TDRD5: variants seen among roughly 807,000 people sequenced by gnomAD.
The protein encoded by TDRD5 is tudor domain-containing protein 5.
A neutral mutation model predicts 120.6 loss-of-function variants in TDRD5; 41 were observed. The ratio of observed to expected loss-of-function variants is 0.34; its 90% confidence interval spans 0.26 to 0.44. The LOEUF is 0.44. TDRD5 is among the 20% of genes least tolerant of loss of function. The pLI, the probability that TDRD5 is intolerant of heterozygous loss-of-function variation, is 1.00. For synonymous variants in TDRD5, 430 were observed against 433.7 expected (o/e 0.99, Z 0.11); for missense variants, 1,006 against 1,221.2 (o/e 0.82, Z 2.63).
At chr1:179,610,948 GTTGTCTA>G (rs1676242359) in intron 4 of TDRD5, among the ~76,000 whole-genome samples, 1 of 151,900 alleles carries the variant, frequency 6.6e-6, no homozygotes, top group African/African-American at 2.4e-5. Flanking sequence ...ACATGTTGTA[GTTGTCTA>G]TTTATTCAAG....
intron 4 of TDRD5, among the ~76,000 whole-genome samples, chr1:179,605,613 C>T (rs547553143): frequency 6.6e-6 from 1 of 152,120 alleles, no homozygotes; most frequent in Non-Finnish European, 1.5e-5. Context: ...TCTGTGCTTG[C>T]GCCTGTTCAT....
chr1:179,611,824 T>C (rs576570143), intron 4 of TDRD5, among the ~76,000 whole-genome samples: 8 of 152,312 alleles, frequency 5.3e-5, no homozygotes, highest in Middle Eastern at 3.4e-3. Flanking sequence ...TAATTCCTCA[T>C]AGATGCAGCC....
chr1:179,671,017 A>C (rs1230991937), intron 17 of TDRD5, among the ~76,000 whole-genome samples: 1 of 152,216 alleles, frequency 6.6e-6, no homozygotes. Context: ...AATTCAAGTT[A>C]ATATTTGTAT....
chr1:179,650,698 G>C lies in TDRD5; in HGVS notation c.1801-169G>C, dbSNP rs185296706. ...TTTTTTATCATTTTTCCTTTATTCTGACTTTTCTCATCCCCAAATCATATA... is the reference window on the plus strand; with the variant it reads ...TTTTTTATCATTTTTCCTTTATTCTCACTTTTCTCATCCCCAAATCATATA... On this transcript the variant is annotated intron_variant, in intron 11 of 17. Transcript: ENST00000444136. Among the ~76,000 whole-genome samples, 256 of 151,822 alleles carry C rather than the reference G, an allele frequency of 1.7e-3. 1 individual carries two copies. The highest frequency in any genetic ancestry group is 2.9e-3 in the Non-Finnish European group (196 of 67,912).
Position 179,661,006 on chromosome 1 carries a change from C to T in TDRD5, c.2323-1098C>T, listed in dbSNP as rs151281944. Among the ~76,000 whole-genome samples the T allele has an allele frequency of 4.6e-5, 7 of 152,294 alleles. No homozygotes were observed. The South Asian group carries it at 8.3e-4, about 18-fold the overall frequency. On this transcript the variant is annotated intron_variant, in intron 14 of 17. Transcript: ENST00000444136. ...AGCACTTTAACAGTTTCATTCTTCT[C>T]CTTTCTGCCCTTCATGGTTTCTGAT...
chr1:179,628,662 AG>A (rs1677272681), intron 6 of TDRD5, among the ~76,000 whole-genome samples: 1 of 152,076 alleles, frequency 6.6e-6, no homozygotes, highest in African/African-American at 2.4e-5. Flanking sequence ...AGCATAACAA[AG>A]GAATTAGGAT....
At chr1:179,638,972 A>G (rs947611147) in intron 9 of TDRD5, among the ~76,000 whole-genome samples, 3 of 152,214 alleles carry the variant, frequency 2.0e-5, no homozygotes, top group Non-Finnish European at 4.4e-5. Context: ...AAAGGGAAAG[A>G]GGAGAATGGG....
At chr1:179,651,275 A>G (rs911554396) in intron 12 of TDRD5, among the ~76,000 whole-genome samples, 1 of 152,164 alleles carries the variant, frequency 6.6e-6, no homozygotes, top group African/African-American at 2.4e-5. Context: ...TTGAAATGTG[A>G]ATACTTCTAT....
chr1:179,627,100 GA>G (rs1572364561), intron 6 of TDRD5, among the ~76,000 whole-genome samples: 1 of 152,192 alleles, frequency 6.6e-6, no homozygotes, highest in Admixed American at 6.5e-5. Flanking sequence ...TAAGCTAGAT[GA>G]AAAGGGAGTG....
intron 17 of TDRD5, among the ~76,000 whole-genome samples, chr1:179,677,044 T>A (rs1264801292): frequency 6.6e-6 from 1 of 152,184 alleles, no homozygotes; most frequent in East Asian, 1.9e-4. Context: ...TGTTCATTTT[T>A]TTAAATTATT....
At chr1:179,594,355 G>A (rs1480097195) in intron 3 of TDRD5, among the ~76,000 whole-genome samples, 1 of 152,152 alleles carries the variant, frequency 6.6e-6, no homozygotes, top group African/African-American at 2.4e-5. Context: ...TATCTGTATA[G>A]CATTTTACCT....
At chr1:179,684,542 T>C (rs996693202) in intron 17 of TDRD5, among the ~76,000 whole-genome samples, 1 of 152,248 alleles carries the variant, frequency 6.6e-6, no homozygotes, top group Non-Finnish European at 1.5e-5. Context: ...GCAGGATTTA[T>C]AATCCTTTGG....
intron 4 of TDRD5, among the ~76,000 whole-genome samples, chr1:179,601,753 T>C (rs1675725268): frequency 6.6e-6 from 1 of 152,242 alleles, no homozygotes; most frequent in Non-Finnish European, 1.5e-5. Flanking sequence ...TTTCGTATAA[T>C]GATTCCTCTG....
intron 13 of TDRD5, among the ~76,000 whole-genome samples, chr1:179,653,151 T>C (rs897047461): frequency 6.6e-6 from 1 of 152,208 alleles, no homozygotes; most frequent in African/African-American, 2.4e-5. Flanking sequence ...CCAAGTCTTA[T>C]ATTCCTCACG....
intron 4 of TDRD5, among the ~76,000 whole-genome samples, chr1:179,617,660 C>T (rs1468419937): frequency 2.0e-5 from 3 of 151,756 alleles, no homozygotes; most frequent in East Asian, 1.9e-4. Flanking sequence ...ACTTTAATGT[C>T]GATTGAACAA....
At chr1:179,606,485 G>A (rs1675990609) in intron 4 of TDRD5, among the ~76,000 whole-genome samples, 1 of 152,084 alleles carries the variant, frequency 6.6e-6, no homozygotes, top group South Asian at 2.1e-4. Flanking sequence ...TGTGCCTTTG[G>A]TGTTGTTTCT....
At chr1:179,646,336 A>T (rs1678362553) in intron 11 of TDRD5, among the ~76,000 whole-genome samples, 1 of 152,216 alleles carries the variant, frequency 6.6e-6, no homozygotes, top group Non-Finnish European at 1.5e-5. Context: ...GCATAAAATA[A>T]TGTCAATTTA....
At chr1:179,644,786 C>T (rs1678250890) in intron 11 of TDRD5, among the ~76,000 whole-genome samples, 1 of 151,782 alleles carries the variant, frequency 6.6e-6, no homozygotes, top group Non-Finnish European at 1.5e-5. Context: ...TTCAAAGAAC[C>T]AAGTTTGGCT....
intron 3 of TDRD5, among the ~76,000 whole-genome samples, chr1:179,594,372 C>A (rs1675276461): frequency 6.6e-6 from 1 of 152,214 alleles, no homozygotes; most frequent in Admixed American, 6.5e-5. Flanking sequence ...ACCTTGCATT[C>A]TCATTACCAT....
Sources: allele counts gnomAD v4.1 joint callset (sites outside exome capture counted in the v4.1 genomes callset), GRCh38; gene constraint gnomAD v4.1.1; transcripts MANE v1.5; gene names NCBI Gene and HGNC (gene_info 2026-07-23, HGNC 2026-07-21).